TRIM14: variants seen among roughly 807,000 people sequenced by gnomAD.
TRIM14 encodes tripartite motif containing 14.
TRIM14 carries 28 observed loss-of-function variants against 44.5 expected under a neutral mutation model. The observed-to-expected ratio is 0.63, with a 90% CI of 0.47 to 0.86. The LOEUF (loss-of-function observed/expected upper bound fraction) is 0.86. TRIM14 is among the 40% of genes least tolerant of loss of function. The pLI is 0.00. For synonymous variants in TRIM14, 299 were observed against 269.2 expected (o/e 1.11, Z -1.08); for missense variants, 607 against 611.1 (o/e 0.99, Z 0.07).
chr9:98,059,318 C>T, the TRIM14 span, among the ~76,000 whole-genome samples: 5 of 152,288 alleles, frequency 3.3e-5, no homozygotes, highest in South Asian at 2.1e-4. Flanking sequence ...CCACTGCGCC[C>T]GGCAGCCAAG....
rs141013208 is a variant in TRIM14, at chr9:98,090,632, C to T, written c.793+1277G>A. On this transcript the variant is annotated intron_variant, in intron 5 of 5. Coordinates refer to ENST00000341469, the MANE Select transcript of TRIM14 (RefSeq NM_014788.4). ...AGGCTGGAGTGCAGTAGTGCGACCT[C>T]GGCTCACTGCAACCTTCGCCTCCCG... Among the ~76,000 whole-genome samples, 943 of 147,850 alleles carry T rather than the reference C, an allele frequency of 6.4e-3. 5 individuals carry two copies. The highest frequency in any genetic ancestry group is 0.02 in the African/African-American group (814 of 39,956).
chr9:98,056,141 C>G, the TRIM14 span, among the ~76,000 whole-genome samples: 13 of 152,192 alleles, frequency 8.5e-5, no homozygotes, highest in African/African-American at 2.9e-4. Context: ...TGCAACTTCT[C>G]GAACCTGTTG....
chr9:98,089,109 G>T (rs1825908206), intron 5 of TRIM14, among the ~76,000 whole-genome samples: 1 of 152,180 alleles, frequency 6.6e-6, no homozygotes, highest in Admixed American at 6.5e-5. Context: ...TTTTCTAAGA[G>T]AAAGAGAATG....
chr9:98,093,388 G>T (rs1826069613), intron 4 of TRIM14, among the ~76,000 whole-genome samples: 1 of 152,166 alleles, frequency 6.6e-6, no homozygotes, highest in Admixed American at 6.5e-5. Flanking sequence ...CGCTATATGT[G>T]TAAGAGCTCA....
At chr9:98,117,595 G>A (rs1472245712) in intron 1 of TRIM14, among the ~76,000 whole-genome samples, 1 of 152,080 alleles carries the variant, frequency 6.6e-6, no homozygotes. Flanking sequence ...GTGCCCGACT[G>A]CTTATGTCAT....
intron 2 of TRIM14, among the ~76,000 whole-genome samples, chr9:98,103,086 TG>T (rs1826459942): frequency 6.6e-6 from 1 of 151,980 alleles, no homozygotes; most frequent in Non-Finnish European, 1.5e-5. Context: ...CTCAGGAGGC[TG>T]GGGCAAAGAA....
chr9:98,097,211 C>T lies in TRIM14; in HGVS notation c.538-2182G>A, dbSNP rs773264036. 5.3e-4 allele frequency among the ~76,000 whole-genome samples: 80 copies of T among 152,178 alleles called. 1 individual carries two copies. The highest frequency in any genetic ancestry group is 1.4e-3 in the East Asian group (7 of 5,172). ...CCTGTCTCAAAAACAAACAAACAAA[C>T]ATTCCTGTCTCCTATCTCATTACAG... On this transcript the variant is annotated intron_variant, in intron 3 of 5. Transcript: ENST00000341469.
At chr9:98,062,289 G>C in the TRIM14 span, among the ~76,000 whole-genome samples, 3 of 151,980 alleles carry the variant, frequency 2.0e-5, no homozygotes, top group Non-Finnish European at 4.4e-5. Context: ...TGACTTGAGT[G>C]GGGGGACACT....
chr9:98,094,430 G>A lies in TRIM14; in HGVS notation c.700+437C>T, dbSNP rs180736569. Among the ~76,000 whole-genome samples, 104 of 152,324 alleles carry A rather than the reference G, an allele frequency of 6.8e-4. 1 individual carries two copies. The East Asian group carries it at 0.018, about 27-fold the overall frequency. ...ATGGGCAGGCCCTGGAGCGGGAAGG[G>A]AGAGGGGAGATGGCTAAAGGAGAGA... is the stretch of plus-strand genomic sequence containing the variant. On this transcript the variant is annotated intron_variant, in intron 4 of 5. Transcript: ENST00000341469.
At chr9:98,068,311 G>T (rs1362954304), downstream of TRIM14, among the ~76,000 whole-genome samples, 1 of 151,172 alleles carries the variant, frequency 6.6e-6, no homozygotes, top group Non-Finnish European at 1.5e-5. Context: ...ATTTTTTTTT[G>T]TATCTCTTGG....
chr9:98,062,777 GTTTTTTTTTT>G, the TRIM14 span, among the ~76,000 whole-genome samples: 2 of 109,314 alleles, frequency 1.8e-5, no homozygotes, highest in South Asian at 3.1e-4. Flanking sequence ...AGTTATTTCA[GTTTTTTTTTT>G]TTTTTTTTTT....
intron 4 of TRIM14, 73 bp downstream of exon 4, chr9:98,094,794 T>C (rs550497366): frequency 1.3e-6 from 2 of 1,518,964 alleles, no homozygotes; most frequent in East Asian, 4.5e-5. Flanking sequence ...AGGGAGATGA[T>C]CTTTGCATTC....
chr9:98,053,680 T>G, the TRIM14 span, among the ~76,000 whole-genome samples: 1 of 152,218 alleles, frequency 6.6e-6, no homozygotes, highest in African/African-American at 2.4e-5. Context: ...GGCTAATAAG[T>G]TGTTACCCTT....
chr9:98,100,574 T>C (rs535155121), intron 2 of TRIM14, among the ~76,000 whole-genome samples: 42 of 152,220 alleles, frequency 2.8e-4, no homozygotes, highest in African/African-American at 9.1e-4. Flanking sequence ...AAAGCCAAAA[T>C]TGCTTTAAAA....
the TRIM14 span, among the ~76,000 whole-genome samples, chr9:98,044,159 T>C: frequency 1.3e-5 from 2 of 151,984 alleles, no homozygotes; most frequent in East Asian, 1.9e-4. Flanking sequence ...TTTCTGACTC[T>C]GCAGGTCTAA....
At chr9:98,096,665 A>G (rs1301568614) in intron 3 of TRIM14, among the ~76,000 whole-genome samples, 2 of 151,940 alleles carry the variant, frequency 1.3e-5, no homozygotes, top group Non-Finnish European at 2.9e-5. Flanking sequence ...CCTCCTACCC[A>G]TTCTCCAATT....
At chr9:98,111,276 G>C (rs1023885226) in intron 1 of TRIM14, among the ~76,000 whole-genome samples, 2 of 151,502 alleles carry the variant, frequency 1.3e-5, no homozygotes, top group Non-Finnish European at 2.9e-5. Context: ...TCAACCTTAC[G>C]TAATGAAATT....
chr9:98,081,069 C>A, downstream of TRIM14: 1 of 1,614,080 alleles, frequency 6.2e-7, no homozygotes, highest in Non-Finnish European at 8.5e-7. Context: ...TGTGAGATGG[C>A]CTGCAATGAG....
intron 1 of TRIM14, among the ~76,000 whole-genome samples, chr9:98,115,681 G>A (rs977652824): frequency 2.8e-4 from 42 of 152,148 alleles, no homozygotes; most frequent in African/African-American, 9.7e-4. Context: ...ACCGCACCTG[G>A]CTATTTGTGA....
Sources: gnomAD v4.1 joint callset for allele counts (sites outside exome capture counted in the v4.1 genomes callset) on GRCh38, gnomAD v4.1.1 for gene constraint, MANE v1.5 for transcripts, NCBI Gene and HGNC (gene_info 2026-07-23, HGNC 2026-07-21) for gene names.